The following HEG1 variants were observed in gnomAD, a reference collection of about 807,000 sequenced individuals.
The protein encoded by HEG1 is protein HEG homolog 1.
In HEG1, 56 loss-of-function variants were observed where a neutral mutation model predicts 125.6. The ratio of observed to expected loss-of-function variants is 0.45; its 90% CI spans 0.36 to 0.56. The LOEUF is 0.56. Among genes scored for constraint, HEG1 ranks in the 20% least tolerant of loss-of-function variants. The pLI, the probability that HEG1 is intolerant of heterozygous loss-of-function variation, is 0.00. For synonymous variants in HEG1, 644 were observed against 668.5 expected, an observed-to-expected ratio of 0.96 and a Z score of 0.57; for missense variants, 1,523 against 1,670.0, an observed-to-expected ratio of 0.91 and a Z score of 1.53.
intron 1 of HEG1, among the ~76,000 whole-genome samples, chr3:125,054,799 A>ATCTT (rs1937893211): frequency 6.6e-6 from 1 of 152,268 alleles, no homozygotes; most frequent in East Asian, 1.9e-4. Flanking sequence ...GAGCGCAAAG[A>ATCTT]GACAGCAGTC....
At chr3:125,053,909 A>G (rs369373696) in intron 1 of HEG1, among the ~76,000 whole-genome samples, 5 of 152,192 alleles carry the variant, frequency 3.3e-5, no homozygotes, top group Non-Finnish European at 7.3e-5. Flanking sequence ...AGAGAAGGAA[A>G]GAGACTCATG....
chr3:125,044,383 ATAAAGT>A lies in HEG1; in HGVS notation c.316+11186_316+11191del, dbSNP rs200138655. Among the ~76,000 whole-genome samples, 725 of 152,278 alleles carry A rather than the reference ATAAAGT, an allele frequency of 4.8e-3. 4 individuals are homozygous for A. Among genetic ancestry groups the A allele is most frequent in the African/African-American group, 0.017 (696 of 41,558 alleles). ...GAAAAGAGAAATAAGACAAAAAGAA[ATAAAGT>A]TAAGGAATTTTTTCAAAAGACATAC... On this transcript the variant is annotated intron_variant, in intron 1 of 16. Coordinates refer to ENST00000311127, the MANE Select transcript of HEG1 (RefSeq NM_020733.2).
intron 1 of HEG1, among the ~76,000 whole-genome samples, chr3:125,044,736 T>A (rs1560035907): frequency 6.6e-6 from 1 of 151,944 alleles, no homozygotes; most frequent in East Asian, 1.9e-4. Flanking sequence ...AGGGCAAAAC[T>A]AAGACTGAGC....
intron 14 of HEG1, among the ~76,000 whole-genome samples, chr3:124,981,820 A>G (rs903877302): frequency 1.3e-5 from 2 of 151,898 alleles, no homozygotes; most frequent in African/African-American, 4.8e-5. Flanking sequence ...GCTTTTCTGT[A>G]TTTCCCAAAT....
At chr3:125,026,915 G>C (rs1003807239) in intron 3 of HEG1, among the ~76,000 whole-genome samples, 1 of 152,138 alleles carries the variant, frequency 6.6e-6, no homozygotes, top group Non-Finnish European at 1.5e-5. Context: ...CAGGAGAATC[G>C]CTTGAACCTG....
chr3:124,970,697 G>A lies in HEG1; in HGVS notation c.4101C>T (p.Asn1367=), dbSNP rs1265990171. Residue 1367 remains asparagine (N), a synonymous_variant, in exon 17 of 17, where the codon AAC becomes AAT. Transcript: ENST00000311127. ...TGCTTTCATCACTGATGAAAGACGG[G>A]TTATACTGTCCGGGGAAAATGCAAG... ...RHSCIFPGQY[N]PSFISDESRR... is the part of the protein sequence containing the mutation. The A allele has an allele frequency of 6.2e-7, 1 of 1,608,324 alleles. No individual in the cohort carries two copies. The highest frequency in any genetic ancestry group is 8.5e-7 in the Non-Finnish European group (1 of 1,177,454).
At chr3:125,004,299 A>T (rs529789752) in intron 9 of HEG1, among the ~76,000 whole-genome samples, 1 of 152,338 alleles carries the variant, frequency 6.6e-6, no homozygotes, top group East Asian at 1.9e-4. Flanking sequence ...TGAGATTGGA[A>T]ATCAATTCAT....
chr3:125,011,580 A>G (rs1273674981), intron 6 of HEG1, among the ~76,000 whole-genome samples: 2 of 152,162 alleles, frequency 1.3e-5, no homozygotes, highest in Non-Finnish European at 2.9e-5. Context: ...AGAAACAGCC[A>G]CCTTTCATTT....
At chr3:125,040,908 G>A (rs1937589094) in intron 1 of HEG1, among the ~76,000 whole-genome samples, 1 of 152,112 alleles carries the variant, frequency 6.6e-6, no homozygotes, top group African/African-American at 2.4e-5. Context: ...ACTTTTCACA[G>A]GATAATTTCA....
intron 8 of HEG1, among the ~76,000 whole-genome samples, chr3:125,005,726 C>T (rs1281087067): frequency 6.6e-6 from 1 of 152,192 alleles, no homozygotes; most frequent in Non-Finnish European, 1.5e-5. Context: ...GAAAGATGAA[C>T]AGGTCTAAAC....
At chr3:124,992,015 C>G (rs1936842225) in intron 12 of HEG1, among the ~76,000 whole-genome samples, 1 of 152,200 alleles carries the variant, frequency 6.6e-6, no homozygotes, top group African/African-American at 2.4e-5. Context: ...ATATGGCTCC[C>G]CTTCTTTAAT....
At chr3:125,048,333 C>T (rs1026726057) in intron 1 of HEG1, among the ~76,000 whole-genome samples, 1 of 152,236 alleles carries the variant, frequency 6.6e-6, no homozygotes, top group African/African-American at 2.4e-5. Context: ...CAGGACCCTC[C>T]ACGGCACCTA....
intron 3 of HEG1, among the ~76,000 whole-genome samples, chr3:125,025,481 C>T (rs552027139): frequency 6.6e-6 from 1 of 152,134 alleles, no homozygotes; most frequent in South Asian, 2.1e-4. Flanking sequence ...AACTCACCAG[C>T]AGTTAAAAGT....
intron 1 of HEG1, among the ~76,000 whole-genome samples, chr3:125,040,682 T>C (rs1368037553): frequency 1.3e-5 from 2 of 151,354 alleles, no homozygotes; most frequent in African/African-American, 4.8e-5. Flanking sequence ...TAAAATTTAA[T>C]TGTTCACACA....
intron 4 of HEG1, among the ~76,000 whole-genome samples, chr3:125,020,382 T>C (rs1273641212): frequency 6.6e-6 from 1 of 152,186 alleles, no homozygotes; most frequent in African/African-American, 2.4e-5. Context: ...GCCGTAATCA[T>C]GCCAATGCAC....
chr3:125,016,040 C>T (rs1016581643), intron 5 of HEG1, among the ~76,000 whole-genome samples: 1 of 152,172 alleles, frequency 6.6e-6, no homozygotes, highest in African/African-American at 2.4e-5. Context: ...GGGCTCAAGA[C>T]CTGTGGAGAG....
intron 1 of HEG1, among the ~76,000 whole-genome samples, chr3:125,033,450 G>A (rs1937517526): frequency 2.0e-5 from 3 of 152,092 alleles, no homozygotes; most frequent in Admixed American, 6.5e-5. Context: ...GAAACAAACC[G>A]GCCCCGCAGA....
At position 125,055,935 on chromosome 3, in the gene HEG1, AGGGCAGCGGGCAGC is replaced by A. The variant is rs200147885; in HGVS notation, c.-59_-46del. On this transcript the variant is annotated 5_prime_UTR_variant, in exon 1 of 17. Transcript: ENST00000311127. Reference sequence around the variant, plus strand: ...GCTCACATGCCCGGCGCGCGGGGCGAGGGCAGCGGGCAGCGGGCAGCGGGCGGCGGGGGCCGCGC... The same window carrying A: ...GCTCACATGCCCGGCGCGCGGGGCGAGGGCAGCGGGCGGCGGGGGCCGCGC... 67 of 800,252 alleles carry A rather than the reference AGGGCAGCGGGCAGC, an allele frequency of 8.4e-5. No individual in the cohort carries two copies. The South Asian group carries it at 2.4e-3, about 28-fold the overall frequency. The allele number at this position is 800,252 out of a possible 1,614,324, so 49.6% of individuals were successfully genotyped here.
At chr3:124,996,302 T>G (rs751514246) in intron 12 of HEG1, among the ~76,000 whole-genome samples, 6 of 152,082 alleles carry the variant, frequency 3.9e-5, no homozygotes, top group Non-Finnish European at 8.8e-5. Context: ...CAGGCTGGTC[T>G]CCAACTCCCG....
Sources: allele counts gnomAD v4.1 joint callset (sites outside exome capture counted in the v4.1 genomes callset), GRCh38; gene constraint gnomAD v4.1.1; transcripts MANE v1.5; gene names NCBI Gene and HGNC (gene_info 2026-07-23, HGNC 2026-07-21).